The following ROCK2 variants were observed in gnomAD, a reference collection of about 807,000 sequenced individuals.
ROCK2 encodes Rho associated coiled-coil containing protein kinase 2.
In ROCK2, 61 loss-of-function variants were observed where a neutral mutation model predicts 195.1. The observed-to-expected ratio is 0.31, with a 90% confidence interval of 0.25 to 0.39. The LOEUF (loss-of-function observed/expected upper bound fraction) is 0.39. Ranked by LOEUF, ROCK2 falls within the 10% of genes least tolerant of loss-of-function variation. ROCK2 has a pLI of 1.00. For synonymous variants in ROCK2, 504 were observed against 545.5 expected (o/e 0.92, Z 1.06); for missense variants, 1,109 against 1,637.4 (o/e 0.68, Z 5.57).
chr2:11,197,727 T>C lies in ROCK2; in HGVS notation c.3100-22A>G. The C allele has an allele frequency of 2.8e-6, 4 of 1,451,524 alleles. No homozygotes were observed. The highest frequency in any genetic ancestry group is 3.7e-6 in the Non-Finnish European group (4 of 1,087,850). The allele number at this position is 1,451,524 out of a possible 1,614,324, so 89.9% of individuals were successfully genotyped here. A position where few individuals can be genotyped will look rare whatever the true frequency, so the allele number is the denominator to read the frequency against. The stretch of plus-strand genomic sequence containing the variant: ...CAGCCTTAAAAAATGTAAAAATAAA[T>C]ATAATACATAAATAAAATAAATTAC... On this transcript the variant is annotated intron_variant, in intron 25 of 32. Transcript: ENST00000315872. This position sits in a 1 kb window ranked among gnomAD's most constrained non-coding sequence, Gnocchi z 4.9.
At chr2:11,329,438 T>C (rs958231683) in intron 1 of ROCK2, among the ~76,000 whole-genome samples, 2 of 149,152 alleles carry the variant, frequency 1.3e-5, no homozygotes, top group African/African-American at 4.9e-5. Context: ...AACTTCCCTA[T>C]ACTAAAAGCT....
At chr2:11,248,672 G>A (rs1286364558) in intron 4 of ROCK2, among the ~76,000 whole-genome samples, 1 of 111,874 alleles carries the variant, frequency 8.9e-6, no homozygotes, top group Non-Finnish European at 1.6e-5. Flanking sequence ...TTCCAACACT[G>A]CACTCCAGCC....
intron 27 of ROCK2, among the ~76,000 whole-genome samples, chr2:11,196,233 C>T (rs913339397): frequency 3.9e-5 from 6 of 152,198 alleles, no homozygotes. Flanking sequence ...TAATCTCTTT[C>T]AGGGTAACGA....
intron 13 of ROCK2, 98 bp from the exon 14 acceptor site, chr2:11,215,743 A>G: frequency 9.6e-7 from 1 of 1,036,796 alleles, no homozygotes; most frequent in Non-Finnish European, 1.4e-6. Flanking sequence ...AAAGATCTCA[A>G]AAAGGCTTTC....
chr2:11,249,841 TGA>T lies in ROCK2; in HGVS notation c.325-45_325-44del, dbSNP rs778149701. 71 of 1,401,520 alleles carry T rather than the reference TGA, an allele frequency of 5.1e-5. No individual in the cohort carries two copies. In the African/African-American group the frequency reaches 8.9e-4, roughly 18 times the overall value. The allele number at this position is 1,401,520 out of a possible 1,614,324, so 86.8% of individuals were successfully genotyped here. The stretch of plus-strand genomic sequence containing the variant: ...CACAAAAATTAATACTTTCATGTTA[TGA>T]GAGAAAGGTAAATAGATGATACTAT... On this transcript the variant is annotated intron_variant, in intron 3 of 32. Transcript: ENST00000315872.
intron 1 of ROCK2, 58 bp downstream of exon 1, chr2:11,343,938 G>A: frequency 6.5e-7 from 1 of 1,546,322 alleles, no homozygotes; most frequent in Non-Finnish European, 8.7e-7. Flanking sequence ...GGGCTGGGCG[G>A]AGAGGGGATC....
At chr2:11,211,397 T>C (rs2148059517) in intron 18 of ROCK2, among the ~76,000 whole-genome samples, 1 of 152,310 alleles carries the variant, frequency 6.6e-6, no homozygotes, top group Non-Finnish European at 1.5e-5. Flanking sequence ...GTGGTACAGA[T>C]ATTACCAGGT....
At chr2:11,232,124 A>T (rs1319825120) in intron 5 of ROCK2, among the ~76,000 whole-genome samples, 1 of 136,868 alleles carries the variant, frequency 7.3e-6, no homozygotes. Flanking sequence ...AAAACTATGG[A>T]CATTTCTTTT....
At chr2:11,243,917 C>A (rs574211448) in intron 4 of ROCK2, among the ~76,000 whole-genome samples, 3 of 152,212 alleles carry the variant, frequency 2.0e-5, no homozygotes, top group Non-Finnish European at 4.4e-5. Flanking sequence ...TCTATACTGT[C>A]TGCTCAATTT....
intron 1 of ROCK2, among the ~76,000 whole-genome samples, chr2:11,301,512 C>G (rs1667703995): frequency 6.6e-6 from 1 of 152,056 alleles, no homozygotes; most frequent in South Asian, 2.1e-4. Flanking sequence ...CGCGGTGGCT[C>G]ATGGCTGTAA....
intron 3 of ROCK2, among the ~76,000 whole-genome samples, chr2:11,275,583 G>C (rs1400894784): frequency 6.6e-6 from 1 of 151,942 alleles, no homozygotes; most frequent in African/African-American, 2.4e-5. Context: ...TCCAAGGATG[G>C]TAAAACATGT....
At chr2:11,188,283 T>C (rs1350307899) in intron 32 of ROCK2, among the ~76,000 whole-genome samples, 1 of 151,902 alleles carries the variant, frequency 6.6e-6, no homozygotes, top group Non-Finnish European at 1.5e-5. Flanking sequence ...CTAATTTTTG[T>C]ATTTTTAGTA....
intron 32 of ROCK2, among the ~76,000 whole-genome samples, chr2:11,183,857 T>C (rs1369379821): frequency 6.6e-6 from 1 of 152,200 alleles, no homozygotes; most frequent in African/African-American, 2.4e-5. Flanking sequence ...ACATTTTGTT[T>C]TTCTATAAGA....
chr2:11,270,941 T>C (rs901344568), intron 3 of ROCK2, among the ~76,000 whole-genome samples: 4 of 152,230 alleles, frequency 2.6e-5, no homozygotes, highest in Non-Finnish European at 5.9e-5. Flanking sequence ...GGAACTTCTG[T>C]AAATAGGTCT....
intron 1 of ROCK2, among the ~76,000 whole-genome samples, chr2:11,337,032 C>T (rs1251307829): frequency 6.6e-6 from 1 of 152,120 alleles, no homozygotes; most frequent in Non-Finnish European, 1.5e-5. Flanking sequence ...CACTTGAGGT[C>T]AGGAGTTGGA....
chr2:11,212,554 C>T (rs1253593565), intron 17 of ROCK2, among the ~76,000 whole-genome samples: 1 of 151,956 alleles, frequency 6.6e-6, no homozygotes, highest in African/African-American at 2.4e-5. Context: ...TGAAGCTTTC[C>T]CAGCTGTCCC....
chr2:11,195,549 C>G (rs1236836651), intron 27 of ROCK2, among the ~76,000 whole-genome samples: 1 of 152,110 alleles, frequency 6.6e-6, no homozygotes, highest in Non-Finnish European at 1.5e-5. Context: ...GAGTCTTGCT[C>G]TGTCGCCCAG....
chr2:11,320,042 T>C (rs1205751246), intron 1 of ROCK2, among the ~76,000 whole-genome samples: 3 of 152,050 alleles, frequency 2.0e-5, no homozygotes, highest in African/African-American at 4.8e-5. Flanking sequence ...TTCCACCTAA[T>C]GACATGGGAT....
intron 27 of ROCK2, among the ~76,000 whole-genome samples, chr2:11,196,245 C>T (rs141708534): frequency 1.1e-4 from 16 of 152,294 alleles, no homozygotes; most frequent in African/African-American, 2.9e-4. Flanking sequence ...GGGTAACGAT[C>T]GGGCCAAATT....
Sources: gnomAD v4.1 joint callset for allele counts (sites outside exome capture counted in the v4.1 genomes callset) on GRCh38, gnomAD v4.1.1 for gene constraint, Gnocchi (gnomAD v3.1) non-coding constraint, MANE v1.5 for transcripts, NCBI Gene and HGNC (gene_info 2026-07-23, HGNC 2026-07-21) for gene names.